SAFB2: variants seen among roughly 807,000 people sequenced by gnomAD.
SAFB2 encodes scaffold attachment factor B2.
In SAFB2, 32 loss-of-function variants were observed where a neutral mutation model predicts 100.6. The observed-to-expected ratio is 0.32, with a 90% CI of 0.24 to 0.43. SAFB2 has a LOEUF of 0.43. Ranked by LOEUF, SAFB2 falls within the 20% of genes least tolerant of loss-of-function variation. SAFB2 has a pLI of 1.00. For synonymous variants in SAFB2, 500 were observed against 439.4 expected, an observed-to-expected ratio of 1.14 and a Z score of -1.72; for missense variants, 1,185 against 1,163.4, an observed-to-expected ratio of 1.02 and a Z score of -0.27.
Position 5,591,745 on chromosome 19 carries a change from C to T in SAFB2, c.2394+3G>A, listed in dbSNP as rs563617630. 1.0e-4 allele frequency: 164 copies of T among 1,613,792 alleles called. 1 individual carries two copies. In the South Asian group the frequency reaches 1.6e-3, roughly 15 times the overall value. On this transcript the variant is annotated splice_donor_region_variant and intron_variant, in intron 17 of 20. Coordinates refer to ENST00000252542, the MANE Select transcript of SAFB2 (RefSeq NM_014649.3). ...CAGGGCTTGGCATCGGGGCTCTACTCACCTGCCCATCCCGGTGGTCTCCCA... is the reference window on the plus strand; with the variant it reads ...CAGGGCTTGGCATCGGGGCTCTACTTACCTGCCCATCCCGGTGGTCTCCCA...
chr19:5,622,062 GAGA>G (rs886674733), intron 1 of SAFB2, among the ~76,000 whole-genome samples: 2 of 152,244 alleles, frequency 1.3e-5, no homozygotes, highest in Non-Finnish European at 2.9e-5. Flanking sequence ...GGCCGGCCAC[GAGA>G]AGATCTGGGG....
At chr19:5,616,587 G>T in intron 2 of SAFB2, 101 bp from the exon 3 acceptor site, 2 of 898,322 alleles carry the variant, frequency 2.2e-6, no homozygotes. Flanking sequence ...CACATTACAA[G>T]ATAAACTATA....
chr19:5,592,201 T>G (rs758772908), intron 16 of SAFB2, among the ~76,000 whole-genome samples: 1 of 152,092 alleles, frequency 6.6e-6, no homozygotes, highest in African/African-American at 2.4e-5. Flanking sequence ...GCTCTGACAT[T>G]CCGACTGAAG....
At position 5,595,454 on chromosome 19, in the gene SAFB2, CTCT is replaced by C. The variant is rs2052516649; in HGVS notation, c.1823_1825del (p.Lys608del). The C allele has an allele frequency of 1.9e-6, 3 of 1,613,992 alleles. No individual in the cohort carries two copies. Among genetic ancestry groups the C allele is most frequent in the Non-Finnish European group, 1.7e-6 (2 of 1,180,030 alleles). ...GATTTTATCAAACGACAAGATGTCT[CTCT>C]TTTCTTTGCTTTCTGACTTGCGATC... On this transcript the variant is annotated inframe_deletion, in exon 14 of 21. Transcript: ENST00000252542.
At chr19:5,619,298 C>A (rs1426626147) in intron 2 of SAFB2, among the ~76,000 whole-genome samples, 1 of 152,192 alleles carries the variant, frequency 6.6e-6, no homozygotes, top group Non-Finnish European at 1.5e-5. Flanking sequence ...TGGGCTCTCT[C>A]TGGGCTTGGT....
chr19:5,602,911 C>G (rs986425550), intron 11 of SAFB2, among the ~76,000 whole-genome samples: 4 of 143,832 alleles, frequency 2.8e-5, no homozygotes, highest in East Asian at 2.0e-4. Context: ...GCTCACCGCC[C>G]CCCCCACCCC....
chr19:5,621,922 T>C (rs1330210140), intron 1 of SAFB2, among the ~76,000 whole-genome samples: 3 of 152,216 alleles, frequency 2.0e-5, no homozygotes, highest in Non-Finnish European at 4.4e-5. Context: ...CCTTAATATT[T>C]TGCATTTAGC....
rs2052876311 is a variant in SAFB2 at position 5,610,116 on chromosome 19, T to C, written c.1196-21A>G. ...CCGACCTGGCACGAGAGGGAGATTC[T>C]TAGGCATCACCCCAAGGCCTAACAG... On this transcript the variant is annotated intron_variant, in intron 8 of 20. Coordinates refer to ENST00000252542, the MANE Select transcript of SAFB2 (RefSeq NM_014649.3). 4.4e-6 allele frequency: 7 copies of C among 1,605,428 alleles called. No homozygotes were observed. In the South Asian group the frequency reaches 7.7e-5, roughly 18 times the overall value.
chr19:5,600,456 C>G (rs1006714848), intron 11 of SAFB2, among the ~76,000 whole-genome samples, 196 bp from the exon 12 acceptor site: 1 of 152,196 alleles, frequency 6.6e-6, no homozygotes, highest in African/African-American at 2.4e-5. Context: ...ATTCCCACTT[C>G]TAGTATGTGC....
chr19:5,618,122 G>A (rs2053070578), intron 2 of SAFB2, among the ~76,000 whole-genome samples: 1 of 152,162 alleles, frequency 6.6e-6, no homozygotes, highest in Admixed American at 6.5e-5. Context: ...GGGCAACAGA[G>A]TAAGACCGAG....
rs192499501 is a variant in SAFB2, at chr19:5,621,230, G to C, written c.274+79C>G. The C allele has an allele frequency of 7.5e-6, 7 of 931,630 alleles. No homozygotes were observed. The Middle Eastern group carries it at 6.6e-4, about 87-fold the overall frequency. 57.7% of individuals were successfully genotyped at this position (931,630 alleles called of 1,614,324 possible). ...GTACCAGAGAAATTCTCCCAGCCTA[G>C]AAGGCGGGAAGAGCACACTACACAC... is the stretch of plus-strand genomic sequence containing the variant. On this transcript the variant is annotated intron_variant, in intron 2 of 20. Coordinates refer to ENST00000252542, the MANE Select transcript of SAFB2 (RefSeq NM_014649.3).
chr19:5,598,739 C>T lies in SAFB2; in HGVS notation c.1782+54G>A, dbSNP rs377039293. The T allele has an allele frequency of 4.6e-4, 688 of 1,509,726 alleles. 1 individual carries two copies. The highest frequency in any genetic ancestry group is 1.0e-3 in the African/African-American group (75 of 72,944). The allele number at this position is 1,509,726 out of a possible 1,614,324, so 93.5% of individuals were successfully genotyped here. ...TTTTCATAATGCGGATCAAACGGGC[C>T]GTGGAGCCATCGTGAGAAACAGCTG... On this transcript the variant is annotated intron_variant, in intron 13 of 20. Coordinates refer to ENST00000252542, the MANE Select transcript of SAFB2 (RefSeq NM_014649.3).
Position 5,593,956 on chromosome 19 carries a change from G to GTAA in SAFB2, c.2141_2142insTTA (p.Arg714_Gln715insTyr). ...GCTCGTAACGCAGCTGCTCCTGCTG[G>GTAA]CGCCGCAGCTCCTCGCGCTCGCGGT... On this transcript the variant is annotated inframe_insertion, in exon 15 of 21. Coordinates refer to ENST00000252542, the MANE Select transcript of SAFB2 (RefSeq NM_014649.3). The GTAA allele has an allele frequency of 6.4e-7, 1 of 1,554,576 alleles. No homozygotes were observed.
At chr19:5,595,261 C>T in intron 14 of SAFB2, 100 bp downstream of exon 14, 1 of 1,466,152 alleles carries the variant, frequency 6.8e-7, no homozygotes, top group African/African-American at 1.4e-5. Flanking sequence ...CAGGCACTGG[C>T]TCTCGGGCAC....
intron 2 of SAFB2, among the ~76,000 whole-genome samples, chr19:5,620,460 G>T (rs761220655): frequency 6.6e-6 from 1 of 152,128 alleles, no homozygotes; most frequent in Non-Finnish European, 1.5e-5. Context: ...AAGTTTTATG[G>T]AATTCAATGC....
At chr19:5,622,272 C>G (rs919111551) in intron 1 of SAFB2, among the ~76,000 whole-genome samples, 19 of 152,238 alleles carry the variant, frequency 1.2e-4, no homozygotes, top group Admixed American at 7.9e-4. Flanking sequence ...CCGGGGCCAC[C>G]CTGGTAGCGG....
chr19:5,610,441 T>A (rs1290115759), intron 8 of SAFB2, 198 bp downstream of exon 8: 1 of 612,844 alleles, frequency 1.6e-6, no homozygotes. Context: ...ATCCCATAGA[T>A]GACAACCACA....
chr19:5,590,137 G>T, intron 18 of SAFB2, 141 bp downstream of exon 18: 1 of 711,882 alleles, frequency 1.4e-6, no homozygotes, highest in Non-Finnish European at 2.1e-6. Context: ...TGAGTCAGGG[G>T]TTTCAAATGG....
Position 5,587,533 on chromosome 19 carries a change from C to T in SAFB2, c.2706-134G>A. On this transcript the variant is annotated intron_variant, in intron 20 of 20. Coordinates refer to ENST00000252542, the MANE Select transcript of SAFB2 (RefSeq NM_014649.3). This position sits in a 1 kb window ranked among gnomAD's most constrained non-coding sequence, Gnocchi z 4.9. ...CCAGGTGAGAAAAATCATCATCGCA[C>T]ATTGTATTCCAGGTAACTCAAGAGC... is the stretch of plus-strand genomic sequence containing the variant. 1 of 1,470,548 alleles carries T rather than the reference C, an allele frequency of 6.8e-7. No individual in the cohort carries two copies. Among genetic ancestry groups the T allele is most frequent in the Non-Finnish European group, 9.0e-7 (1 of 1,105,208 alleles). The allele number at this position is 1,470,548 out of a possible 1,614,324, so 91.1% of individuals were successfully genotyped here. A position where few individuals can be genotyped will look rare whatever the true frequency, so the allele number is the denominator to read the frequency against.
Sources: gnomAD v4.1 joint callset for allele counts (sites outside exome capture counted in the v4.1 genomes callset) on GRCh38, gnomAD v4.1.1 for gene constraint, Gnocchi (gnomAD v3.1) non-coding constraint, MANE v1.5 for transcripts, NCBI Gene and HGNC (gene_info 2026-07-23, HGNC 2026-07-21) for gene names.